Variants in DPY19L1 observed in about 807,000 individuals in gnomAD.
The protein encoded by DPY19L1 is dpy-19 like C-mannosyltransferase 1.
A neutral mutation model predicts 96.9 loss-of-function variants in DPY19L1; 35 were observed. The ratio of observed to expected loss-of-function variants is 0.36; its 90% CI spans 0.28 to 0.48. The LOEUF (loss-of-function observed/expected upper bound fraction) is 0.48. Ranked by LOEUF, DPY19L1 falls within the 20% of genes least tolerant of loss-of-function variation. DPY19L1 has a pLI of 0.99. For synonymous variants in DPY19L1, 205 were observed against 252.6 expected, an observed-to-expected ratio of 0.81 and a Z score of 1.79; for missense variants, 521 against 777.9, an observed-to-expected ratio of 0.67 and a Z score of 3.93.
At chr7:34,980,361 G>A (rs1202130000) in intron 7 of DPY19L1, among the ~76,000 whole-genome samples, 4 of 151,994 alleles carry the variant, frequency 2.6e-5, no homozygotes, top group Non-Finnish European at 4.4e-5. Flanking sequence ...ATGACCTACA[G>A]TAGGCAAAGA....
At chr7:35,030,841 T>C (rs1048324769) in intron 1 of DPY19L1, among the ~76,000 whole-genome samples, 1 of 152,182 alleles carries the variant, frequency 6.6e-6, no homozygotes, top group Non-Finnish European at 1.5e-5. Flanking sequence ...CATGGAGAAC[T>C]GATCTTCCCT....
At chr7:34,987,749 T>C (rs1007056937) in intron 7 of DPY19L1, among the ~76,000 whole-genome samples, 1 of 151,874 alleles carries the variant, frequency 6.6e-6, no homozygotes, top group African/African-American at 2.4e-5. Flanking sequence ...ATAGAAAAAG[T>C]ATATACTTAA....
At chr7:34,972,767 A>G (rs1226816175) in intron 8 of DPY19L1, among the ~76,000 whole-genome samples, 2 of 152,222 alleles carry the variant, frequency 1.3e-5, no homozygotes, top group Non-Finnish European at 2.9e-5. Flanking sequence ...GGGGACAGCA[A>G]TAAAGCTGGA....
At chr7:34,959,915 A>ATATATT (rs1784461270) in intron 10 of DPY19L1, among the ~76,000 whole-genome samples, 3 of 27,554 alleles carry the variant, frequency 1.1e-4, no homozygotes, top group African/African-American at 4.2e-4. Context: ...ATATATATAT[A>ATATATT]TATATATATT....
At chr7:34,964,606 C>T (rs922864055) in intron 10 of DPY19L1, among the ~76,000 whole-genome samples, 10 of 151,812 alleles carry the variant, frequency 6.6e-5, no homozygotes, top group Non-Finnish European at 1.5e-4. Context: ...TTATAGTAAC[C>T]GATTGAAGAG....
Position 34,929,009 on chromosome 7 carries a change from A to C in DPY19L1, c.*2564T>G, listed in dbSNP as rs1353541058. 1.3e-5 allele frequency: 2 copies of C among 152,206 alleles called. No individual in the cohort carries two copies. The highest frequency in any genetic ancestry group is 1.5e-5 in the Non-Finnish European group (1 of 68,026). The allele number at this position is 152,206 out of a possible 1,614,324, so 9.4% of individuals were successfully genotyped here. On this transcript the variant is annotated 3_prime_UTR_variant, in exon 22 of 22. Transcript: ENST00000638088. ...TGATACATACTTTCATTTTCTCATT[A>C]ATATCACTGGCCTATTTTAACACTA...
intron 7 of DPY19L1, among the ~76,000 whole-genome samples, chr7:34,975,732 A>T (rs1244394499): frequency 6.6e-6 from 1 of 152,194 alleles, no homozygotes; most frequent in African/African-American, 2.4e-5. Context: ...GCAACCAGTG[A>T]CTATCTTGAA....
Position 34,938,182 on chromosome 7 carries a change from G to A in DPY19L1, c.1965-63C>T, listed in dbSNP as rs555555697. ...CTAAAACGATACAATAACACATTTG[G>A]AAGAAAGCACTGAATTAGACTAGAA... On this transcript the variant is annotated intron_variant, in intron 20 of 21. Transcript: ENST00000638088. 4.5e-5 allele frequency: 68 copies of A among 1,524,822 alleles called. No homozygotes were observed. In the African/African-American group the frequency reaches 7.6e-4, roughly 17 times the overall value. 94.5% of individuals were successfully genotyped at this position (1,524,822 alleles called of 1,614,324 possible). A position where few individuals can be genotyped will look rare whatever the true frequency, so the allele number is the denominator to read the frequency against.
chr7:34,968,937 T>C (rs1177515203), intron 9 of DPY19L1, among the ~76,000 whole-genome samples: 2 of 152,018 alleles, frequency 1.3e-5, no homozygotes, highest in African/African-American at 2.4e-5. Flanking sequence ...GGAAAGACAA[T>C]AGATAAATTT....
chr7:34,984,977 T>C (rs1785017355), intron 7 of DPY19L1, among the ~76,000 whole-genome samples: 1 of 152,108 alleles, frequency 6.6e-6, no homozygotes, highest in Non-Finnish European at 1.5e-5. Context: ...TACTTGCACA[T>C]CTCAAGCATC....
rs150410259 is a variant in DPY19L1 at position 34,975,865 on chromosome 7, T to C, written c.823-2260A>G. 3.7e-3 allele frequency among the ~76,000 whole-genome samples: 566 copies of C among 152,350 alleles called. 1 individual carries two copies. Among genetic ancestry groups the C allele is most frequent in the Non-Finnish European group, 5.9e-3 (400 of 68,036 alleles). On this transcript the variant is annotated intron_variant, in intron 7 of 21. Transcript: ENST00000638088. Reference sequence around the variant, plus strand: ...TGACTGCACATCTGTTTTAGCATGATTGACCAGATATTTTAAGCCCATTCT... The same window carrying C: ...TGACTGCACATCTGTTTTAGCATGACTGACCAGATATTTTAAGCCCATTCT...
chr7:34,948,899 C>T (rs1011422670), intron 14 of DPY19L1, among the ~76,000 whole-genome samples: 1 of 152,238 alleles, frequency 6.6e-6, no homozygotes, highest in Non-Finnish European at 1.5e-5. Context: ...CACTCAACTC[C>T]AAATGGCCGG....
chr7:35,023,692 T>C (rs1021935187), intron 1 of DPY19L1, among the ~76,000 whole-genome samples: 1 of 152,192 alleles, frequency 6.6e-6, no homozygotes, highest in Non-Finnish European at 1.5e-5. Flanking sequence ...TGGCTAGAGA[T>C]GGTTGAACCC....
At chr7:35,033,667 C>T (rs1293523102) in intron 1 of DPY19L1, among the ~76,000 whole-genome samples, 1 of 152,134 alleles carries the variant, frequency 6.6e-6, no homozygotes, top group African/African-American at 2.4e-5. Context: ...TTCTACCACA[C>T]CACATTGCTC....
At chr7:34,960,337 A>G (rs1159327796) in intron 10 of DPY19L1, among the ~76,000 whole-genome samples, 19 of 152,092 alleles carry the variant, frequency 1.2e-4, no homozygotes, top group Non-Finnish European at 2.2e-4. Flanking sequence ...CTTCTTTTAC[A>G]TGCATTAGCA....
intron 7 of DPY19L1, among the ~76,000 whole-genome samples, chr7:34,979,099 T>C (rs1215819356): frequency 6.6e-6 from 1 of 152,150 alleles, no homozygotes; most frequent in Non-Finnish European, 1.5e-5. Flanking sequence ...TCTCTGAAAA[T>C]CTAAGATATC....
At chr7:35,036,061 G>A (rs1786391395) in intron 1 of DPY19L1, among the ~76,000 whole-genome samples, 1 of 152,148 alleles carries the variant, frequency 6.6e-6, no homozygotes, top group Non-Finnish European at 1.5e-5. Context: ...ATACAGAGAT[G>A]ACTGGCTTTT....
Position 34,938,032 on chromosome 7 carries a change from A to G in DPY19L1, c.2052T>C (p.Tyr684=), listed in dbSNP as rs570800989. The G allele has an allele frequency of 2.2e-5, 36 of 1,613,974 alleles. No individual in the cohort carries two copies. In the East Asian group the frequency reaches 7.6e-4, roughly 34 times the overall value. Reference sequence around the variant, plus strand: ...CACACCATGACTCTTCTAGAATGTAATAGTTCACTTTTAACTTTATCAGTT... The same window carrying G: ...CACACCATGACTCTTCTAGAATGTAGTAGTTCACTTTTAACTTTATCAGTT... The part of the protein sequence containing the change: ...KRELIKLKVN[Y]YILEESWCVR... Residue 684 remains tyrosine, a synonymous_variant, in exon 21 of 22, where the codon TAT becomes TAC. Coordinates refer to ENST00000638088, the MANE Select transcript of DPY19L1 (RefSeq NM_001366673.1).
At chr7:34,972,700 G>A (rs1357144237) in intron 8 of DPY19L1, among the ~76,000 whole-genome samples, 1 of 152,182 alleles carries the variant, frequency 6.6e-6, no homozygotes, top group Non-Finnish European at 1.5e-5. Flanking sequence ...AATTCATAGA[G>A]GTTCACCTTA....
Sources: allele counts gnomAD v4.1 joint callset (sites outside exome capture counted in the v4.1 genomes callset), GRCh38; gene constraint gnomAD v4.1.1; transcripts MANE v1.5; gene names NCBI Gene and HGNC (gene_info 2026-07-23, HGNC 2026-07-21).